PA2G4: variants seen among roughly 807,000 people sequenced by gnomAD.
PA2G4 encodes proliferation-associated 2G4.
PA2G4 carries 8 observed loss-of-function variants against 53.3 expected under a neutral mutation model. That is an observed-to-expected ratio of 0.15 (90% CI 0.09 to 0.27). The LOEUF (loss-of-function observed/expected upper bound fraction) is 0.27, where lower values mean the gene tolerates loss of function less well. Ranked by LOEUF, PA2G4 falls within the 10% of genes least tolerant of loss-of-function variation. The pLI is 1.00. For missense variants in PA2G4, 208 were observed against 486.8 expected (o/e 0.43, Z 5.39); for synonymous variants, 143 against 169.8 (o/e 0.84, Z 1.23).
chr12:56,111,239 G>A lies in PA2G4; in HGVS notation c.995G>A (p.Arg332Gln). The A allele has an allele frequency of 4.3e-6, 7 of 1,614,048 alleles. No individual in the cohort carries two copies. The highest frequency in any genetic ancestry group is 5.9e-6 in the Non-Finnish European group (7 of 1,179,982). ...TVLLMPNGPM[R>Q]ITSGPFEPDL... ...CTGCTCATGCCCAATGGCCCCATGC[G>A]GATAACCAGTGGTCCCTTCGAGCCT... Residue 332 changes from arginine to glutamine, a missense_variant, in exon 11 of 13, where the codon CGG becomes CAG. By Grantham distance (43) the Arg-to-Gln change is conservative. Coordinates refer to ENST00000303305, the MANE Select transcript of PA2G4 (RefSeq NM_006191.3).
intron 12 of PA2G4, 46 bp downstream of exon 12, chr12:56,111,575 CCT>C (rs1339161271): frequency 2.0e-6 from 3 of 1,501,624 alleles, no homozygotes; most frequent in Admixed American, 1.7e-5. Flanking sequence ...GAACCTGATC[CCT>C]CTTTCTCCCA....
rs746344277 is a variant in PA2G4, at chr12:56,104,581, C to T, written c.-157C>T. On this transcript the variant is annotated 5_prime_UTR_variant, in exon 1 of 13. Coordinates refer to ENST00000303305, the MANE Select transcript of PA2G4 (RefSeq NM_006191.3). ...CTCAGCCCGCGCGCTCGCAGCTTCT[C>T]GCTCTCGCCTGCCTGCCCGCTCCCT... is the stretch of plus-strand genomic sequence containing the variant. The T allele has an allele frequency of 5.0e-6, 4 of 793,716 alleles. No homozygotes were observed. Among genetic ancestry groups the T allele is most frequent in the South Asian group, 2.8e-5 (2 of 72,650 alleles). 49.2% of individuals were successfully genotyped at this position (793,716 alleles called of 1,614,324 possible). A position where few individuals can be genotyped will look rare whatever the true frequency, so the allele number is the denominator to read the frequency against.
At chr12:56,111,942 C>T (rs1162039015) in intron 12 of PA2G4, among the ~76,000 whole-genome samples, 1 of 151,758 alleles carries the variant, frequency 6.6e-6, no homozygotes, top group African/African-American at 2.4e-5. Flanking sequence ...GAGAGAAACC[C>T]CGTCTCTACT....
At chr12:56,111,715 T>TAC (rs1869430050) in intron 12 of PA2G4, among the ~76,000 whole-genome samples, 186 bp downstream of exon 12, 1 of 148,576 alleles carries the variant, frequency 6.7e-6, no homozygotes, top group Admixed American at 6.7e-5. Context: ...TTAAAATATA[T>TAC]ATATATATAT....
chr12:56,107,855 C>T (rs909579366), intron 5 of PA2G4, among the ~76,000 whole-genome samples: 1 of 151,838 alleles, frequency 6.6e-6, no homozygotes, highest in African/African-American at 2.4e-5. Context: ...ATGGTGAAAC[C>T]CCATTTCTAC....
Position 56,110,490 on chromosome 12 carries a change from C to A in PA2G4, c.708+13C>A. ...AGGAGAGGGCAAGGTGAGGAGAGTA[C>A]CAGAGTTGGCAAAGAGGGGTGACTG... On this transcript the variant is annotated intron_variant, in intron 8 of 12. Coordinates refer to ENST00000303305, the MANE Select transcript of PA2G4 (RefSeq NM_006191.3). 1 of 1,613,056 alleles carries A rather than the reference C, an allele frequency of 6.2e-7. No homozygotes were observed. The highest frequency in any genetic ancestry group is 1.1e-5 in the South Asian group (1 of 91,064).
rs1243827601 is a variant in PA2G4, at chr12:56,110,973, A to G, written c.852A>G (p.Glu284=). The stretch of plus-strand genomic sequence containing the variant: ...TCATCTTCCCTGCCAGAGCATTTGA[A>G]GATGAGAAGAAGGCTCGGATGGGTG... ...DAMPFTLRAF[E]DEKKARMGVV... Residue 284 remains glutamate, a synonymous_variant, in exon 10 of 13, where the codon GAA becomes GAG. Coordinates refer to ENST00000303305, the MANE Select transcript of PA2G4 (RefSeq NM_006191.3). The G allele has an allele frequency of 6.2e-7, 1 of 1,612,636 alleles. No individual in the cohort carries two copies. The highest frequency in any genetic ancestry group is 2.2e-5 in the East Asian group (1 of 44,906).
At chr12:56,110,790 C>T in intron 9 of PA2G4, 98 bp downstream of exon 9, 1 of 1,441,946 alleles carries the variant, frequency 6.9e-7, no homozygotes, top group Non-Finnish European at 9.7e-7. Context: ...TTGTAGCGTG[C>T]ATGTGCTCAC....
At position 56,107,505 on chromosome 12, in the gene PA2G4, A is replaced by T. The variant is rs1472997938; in HGVS notation, c.394-16A>T. On this transcript the variant is annotated splice_polypyrimidine_tract_variant and intron_variant, in intron 4 of 12. Coordinates refer to ENST00000303305, the MANE Select transcript of PA2G4 (RefSeq NM_006191.3). ...GACTTTCCAGGAAGATACTGATTGCATGTCCTTATCTACAGGGGACCCAAG... is the reference window on the plus strand; with the variant it reads ...GACTTTCCAGGAAGATACTGATTGCTTGTCCTTATCTACAGGGGACCCAAG... The T allele has an allele frequency of 1.5e-5, 24 of 1,576,764 alleles. No homozygotes were observed. The highest frequency in any genetic ancestry group is 4.4e-5 in the South Asian group (4 of 90,414).
intron 4 of PA2G4, 66 bp downstream of exon 4, chr12:56,107,322 T>G: frequency 7.8e-7 from 1 of 1,283,362 alleles, no homozygotes; most frequent in Non-Finnish European, 1.1e-6. Context: ...CATTTGCTTC[T>G]TATCCCCACC....
At chr12:56,105,208 G>T (rs1439975979) in intron 1 of PA2G4, 1 of 465,516 alleles carries the variant, frequency 2.1e-6, no homozygotes, top group Non-Finnish European at 4.2e-6. Context: ...ATTGGCGACA[G>T]AAGTGCCCCT....
Position 56,110,657 on chromosome 12 carries a change from G to A in PA2G4, c.807G>A (p.Val269=), listed in dbSNP as rs1281307733. 1 of 1,614,022 alleles carries A rather than the reference G, an allele frequency of 6.2e-7. No individual in the cohort carries two copies. The highest frequency in any genetic ancestry group is 2.2e-5 in the East Asian group (1 of 44,900). The change falls in exon 9 of 13, where the codon GTG becomes GTA. Residue 269 remains valine (V), a synonymous_variant. Coordinates refer to ENST00000303305, the MANE Select transcript of PA2G4 (RefSeq NM_006191.3). Reference sequence around the variant, plus strand: ...CTTCACGTGCCTTCTTCAGTGAGGTGGAAAGGCGTTTTGATGCCATGCCGT... The same window carrying A: ...CTTCACGTGCCTTCTTCAGTGAGGTAGAAAGGCGTTTTGATGCCATGCCGT... The part of the protein sequence containing the change: ...MKTSRAFFSE[V]ERRFDAMPFT...
At chr12:56,106,519 A>G (rs1425325568) in intron 1 of PA2G4, 69 bp from the exon 2 acceptor site, 71 of 1,431,596 alleles carry the variant, frequency 5.0e-5, no homozygotes, top group Admixed American at 6.5e-5. Flanking sequence ...TTCAACTTCC[A>G]GGTATTCCTT....
At chr12:56,106,545 A>G in intron 1 of PA2G4, 43 bp from the exon 2 acceptor site, 1 of 1,484,678 alleles carries the variant, frequency 6.7e-7, no homozygotes, top group Non-Finnish European at 8.9e-7. Flanking sequence ...GTAACTAGAC[A>G]ATGAATACAT....
intron 1 of PA2G4, among the ~76,000 whole-genome samples, chr12:56,105,249 A>C (rs1869273818): frequency 6.6e-6 from 1 of 152,004 alleles, no homozygotes; most frequent in Admixed American, 6.5e-5. Flanking sequence ...GGGCGTCAGG[A>C]GCCAAGCCGG....
chr12:56,111,151 T>G (rs1054179902), intron 10 of PA2G4, 31 bp from the exon 11 acceptor site: 3 of 1,614,072 alleles, frequency 1.9e-6, no homozygotes, highest in Non-Finnish European at 2.5e-6. Context: ...AAGGAACTTT[T>G]TATCAAAACA....
chr12:56,111,566 A>G (rs370506088), intron 12 of PA2G4, 37 bp downstream of exon 12: 1 of 1,565,898 alleles, frequency 6.4e-7, no homozygotes, highest in Non-Finnish European at 8.8e-7. Context: ...TGGCAGGGTG[A>G]ACCTGATCCC....
At chr12:56,107,347 A>G in intron 4 of PA2G4, 91 bp downstream of exon 4, 1 of 1,124,884 alleles carries the variant, frequency 8.9e-7, no homozygotes, top group South Asian at 1.2e-5. Context: ...ATCACCACGT[A>G]AGTTGAGAGA....
At chr12:56,106,455 T>C in intron 1 of PA2G4, 133 bp from the exon 2 acceptor site, 2 of 979,006 alleles carry the variant, frequency 2.0e-6, no homozygotes, top group Non-Finnish European at 2.9e-6. Flanking sequence ...AAGGGAATGT[T>C]GACCTTTCAG....
Sources: allele counts gnomAD v4.1 joint callset (sites outside exome capture counted in the v4.1 genomes callset), GRCh38; gene constraint gnomAD v4.1.1; transcripts MANE v1.5; gene names NCBI Gene and HGNC (gene_info 2026-07-23, HGNC 2026-07-21).